MRPL40: variants seen among roughly 807,000 people sequenced by gnomAD.
MRPL40 encodes the protein mitochondrial ribosomal protein L40.
Under a neutral mutation model 24.5 loss-of-function variants are expected in MRPL40, and 18 were observed. That is an observed-to-expected ratio of 0.73 (90% CI 0.51 to 1.09). The LOEUF is 1.09. Among genes scored for constraint, MRPL40 ranks in the 50% least tolerant of loss-of-function variants. MRPL40 has a pLI of 0.00. For synonymous variants in MRPL40, 108 were observed against 94.6 expected, an observed-to-expected ratio of 1.14 and a Z score of -0.82; for missense variants, 256 against 243.8, an observed-to-expected ratio of 1.05 and a Z score of -0.33.
chr22:19,432,567 G>A lies in MRPL40; in HGVS notation c.13G>A (p.Val5Met). 1.3e-6 allele frequency: 2 copies of A among 1,551,704 alleles called. No individual in the cohort carries two copies. Among genetic ancestry groups the A allele is most frequent in the East Asian group, 2.5e-5 (1 of 40,418 alleles). Residue 5 changes from valine to methionine, a missense_variant, in exon 1 of 4, where the codon GTG (valine) becomes ATG (methionine). Physicochemically the swap from Val to Met is conservative, Grantham distance 21. Coordinates refer to ENST00000333130, the MANE Select transcript of MRPL40 (RefSeq NM_003776.4). MTAS[V>M]LRSISLALRP... ...GGCGAGGGTAGCCATGACGGCCTCCGTGCTGCGAAGTATCTCGCTAGCCCT... is the reference window on the plus strand; with the variant it reads ...GGCGAGGGTAGCCATGACGGCCTCCATGCTGCGAAGTATCTCGCTAGCCCT...
intron 1 of MRPL40, chr22:19,432,988 G>A (rs1458696847): frequency 9.7e-6 from 8 of 825,148 alleles, no homozygotes; most frequent in Non-Finnish European, 1.3e-5. Context: ...GGAGTGCAGT[G>A]GCGCGATTTC....
At position 19,435,615 on chromosome 22, in the gene MRPL40, G is replaced by T. The variant is rs1267684450; in HGVS notation, c.297-23G>T. 4 of 1,588,610 alleles carry T rather than the reference G, an allele frequency of 2.5e-6. No homozygotes were observed. The South Asian group carries it at 4.6e-5, about 18-fold the overall frequency. Reference sequence around the variant, plus strand: ...CACAGACTTACATGCCAGTGAGATTGGTAACCCTTAGCTTCTTTGCAGAGA... The same window carrying T: ...CACAGACTTACATGCCAGTGAGATTTGTAACCCTTAGCTTCTTTGCAGAGA... On this transcript the variant is annotated intron_variant, in intron 3 of 3. Transcript: ENST00000333130.
Position 19,435,813 on chromosome 22 carries a change from C to T in MRPL40, c.472C>T (p.His158Tyr). 6.2e-7 allele frequency: 1 copy of T among 1,614,208 alleles called. No homozygotes were observed. The highest frequency in any genetic ancestry group is 8.5e-7 in the Non-Finnish European group (1 of 1,180,032). The change falls in exon 4 of 4, where the codon CAT becomes TAT. Residue 158 changes from histidine to tyrosine, a missense_variant. Physicochemically the swap from His to Tyr is moderately conservative, Grantham distance 83. Coordinates refer to ENST00000333130, the MANE Select transcript of MRPL40 (RefSeq NM_003776.4). ...ACTGCAACTGGAATCCCCGAAGCTC[C>T]ATGCTGAGGCCATCAAGCGGGATCC... ...EELQLESPKLHAEAIKRDPNL... is the reference protein window; with the variant it reads ...EELQLESPKLYAEAIKRDPNL...
At position 19,435,752 on chromosome 22, in the gene MRPL40, G is replaced by T; in HGVS notation, c.411G>T (p.Arg137Ser). The T allele has an allele frequency of 6.2e-7, 1 of 1,614,142 alleles. No homozygotes were observed. The highest frequency in any genetic ancestry group is 8.5e-7 in the Non-Finnish European group (1 of 1,180,012). ...QERKMERDTI[R>S]AMLEAQQEAL... is the part of the protein sequence containing the mutation. ...GTAAGATGGAGAGGGACACCATCAG[G>T]GCTATGCTAGAAGCCCAGCAGGAAG... is the stretch of plus-strand genomic sequence containing the variant. The change falls in exon 4 of 4, where the codon AGG becomes AGT. Residue 137 changes from arginine (R) to serine (S), a missense_variant. Coordinates refer to ENST00000333130, the MANE Select transcript of MRPL40 (RefSeq NM_003776.4).
chr22:19,433,998 G>T (rs2146269887), intron 2 of MRPL40, among the ~76,000 whole-genome samples: 1 of 152,140 alleles, frequency 6.6e-6, no homozygotes, highest in African/African-American at 2.4e-5. Context: ...TCGAACTCCT[G>T]ATCTCAGGTG....
chr22:19,433,229 G>T, intron 1 of MRPL40, 36 bp from the exon 2 acceptor site: 1 of 1,461,490 alleles, frequency 6.8e-7, no homozygotes, highest in Non-Finnish European at 9.6e-7. Context: ...CTAGCCTGGA[G>T]AAGCAGATAT....
chr22:19,432,704 C>G, intron 1 of MRPL40, 97 bp downstream of exon 1: 1 of 1,450,190 alleles, frequency 6.9e-7, no homozygotes, highest in Non-Finnish European at 9.1e-7. Flanking sequence ...CTGCTCGCCT[C>G]CCAGTCCACG....
intron 1 of MRPL40, 81 bp downstream of exon 1, chr22:19,432,688 T>C (rs2089554626): frequency 6.8e-7 from 1 of 1,469,598 alleles, no homozygotes; most frequent in Non-Finnish European, 9.0e-7. Context: ...GACTCGCCTG[T>C]GCTCCCTGCT....
In MRPL40 at chr22:19,435,632, T is replaced by C. The variant is rs2089582114; in HGVS notation, c.297-6T>C. 2 of 1,608,004 alleles carry C rather than the reference T, an allele frequency of 1.2e-6. No individual in the cohort carries two copies. Among genetic ancestry groups the C allele is most frequent in the East Asian group, 4.5e-5 (2 of 44,822 alleles). On this transcript the variant is annotated splice_region_variant and splice_polypyrimidine_tract_variant and intron_variant, in intron 3 of 3. Transcript: ENST00000333130. Reference sequence around the variant, plus strand: ...GTGAGATTGGTAACCCTTAGCTTCTTTGCAGAGAGCGGCCTCAGGTGGAGC... The same window carrying C: ...GTGAGATTGGTAACCCTTAGCTTCTCTGCAGAGAGCGGCCTCAGGTGGAGC...
chr22:19,435,016 C>A, intron 3 of MRPL40, 122 bp downstream of exon 3: 1 of 802,674 alleles, frequency 1.2e-6, no homozygotes, highest in Non-Finnish European at 2.0e-6. Context: ...CTGACTTGGC[C>A]CTAATGAGTC....
intron 1 of MRPL40, 97 bp downstream of exon 1, chr22:19,432,704 C>T (rs2089554808): frequency 2.1e-6 from 3 of 1,450,072 alleles, no homozygotes; most frequent in African/African-American, 1.5e-5. Flanking sequence ...CTGCTCGCCT[C>T]CCAGTCCACG....
rs1215526955 is a variant in MRPL40 at position 19,433,487 on chromosome 22, TTC to T, written c.137+141_137+142del. 3 of 569,690 alleles carry T rather than the reference TTC, an allele frequency of 5.3e-6. No homozygotes were observed. In the African/African-American group the frequency reaches 5.7e-5, roughly 11 times the overall value. The allele number at this position is 569,690 out of a possible 1,614,324, so 35.3% of individuals were successfully genotyped here. On this transcript the variant is annotated intron_variant, in intron 2 of 3. Transcript: ENST00000333130. The stretch of plus-strand genomic sequence containing the variant: ...CTCAGTTAAATTTAGGCCGATGCTT[TTC>T]TGTTTTTCCAACATTTTCCAAACCA...
rs1273807844 is a variant in MRPL40 at position 19,434,880 on chromosome 22, C to T, written c.282C>T (p.Phe94=). ...PIEDFITPLK[F]LDKARERPQV... is the part of the protein sequence containing the mutation. Reference sequence around the variant, plus strand: ...AAGATTTTATTACCCCTCTAAAGTTCTTGGATAAAGCAAGGTAAGGATCCT... The same window carrying T: ...AAGATTTTATTACCCCTCTAAAGTTTTTGGATAAAGCAAGGTAAGGATCCT... The change falls in exon 3 of 4, where the codon TTC becomes TTT. Residue 94 remains phenylalanine (F), a synonymous_variant. Transcript: ENST00000333130. 1.3e-6 allele frequency: 2 copies of T among 1,593,284 alleles called. No individual in the cohort carries two copies. The highest frequency in any genetic ancestry group is 1.7e-4 in the Middle Eastern group (1 of 5,834).
chr22:19,433,831 C>T (rs934123978), intron 2 of MRPL40, among the ~76,000 whole-genome samples: 2 of 151,748 alleles, frequency 1.3e-5, no homozygotes, highest in Non-Finnish European at 2.9e-5. Context: ...GGTGTGACCT[C>T]GGATCACTGC....
At chr22:19,433,464 C>CA (rs1330666002) in intron 2 of MRPL40, 116 bp downstream of exon 2, 8 of 622,644 alleles carry the variant, frequency 1.3e-5, no homozygotes, top group Admixed American at 2.6e-5. Flanking sequence ...CAAAGTTTCT[C>CA]AGTTAAATTT....
rs1425497804 is a variant in MRPL40, at chr22:19,435,861, G to C, written c.520G>C (p.Glu174Gln). ...TCCTAACCTGTTCCCCTTTGAGAAGGAAGGGCCACATTACACACCACCGAT... is the reference window on the plus strand; with the variant it reads ...TCCTAACCTGTTCCCCTTTGAGAAGCAAGGGCCACATTACACACCACCGAT... ...RDPNLFPFEK[E>Q]GPHYTPPIPN... is the part of the protein sequence containing the mutation. The change falls in exon 4 of 4, where the codon GAA becomes CAA. Residue 174 changes from glutamate to glutamine, a missense_variant. Transcript: ENST00000333130. 6 of 1,614,152 alleles carry C rather than the reference G, an allele frequency of 3.7e-6. No homozygotes were observed. In the South Asian group the frequency reaches 6.6e-5, roughly 18 times the overall value.
chr22:19,434,201 CTT>C (rs1486936323), intron 2 of MRPL40, among the ~76,000 whole-genome samples: 3 of 144,970 alleles, frequency 2.1e-5, no homozygotes, highest in Admixed American at 1.4e-4. Context: ...CCTGATGCCT[CTT>C]GTTGCTTTTG....
Position 19,435,759 on chromosome 22 carries a change from C to CT in MRPL40, c.419dup (p.Glu141ArgfsTer20). ...GGAGAGGGACACCATCAGGGCTATG[C>CT]TAGAAGCCCAGCAGGAAGCTCTGGA... On this transcript the variant is annotated frameshift_variant, in exon 4 of 4. Coordinates refer to ENST00000333130, the MANE Select transcript of MRPL40 (RefSeq NM_003776.4). LOFTEE classifies it high-confidence loss of function. The CT allele has an allele frequency of 4.3e-6, 7 of 1,614,158 alleles. No individual in the cohort carries two copies. Among genetic ancestry groups the CT allele is most frequent in the Non-Finnish European group, 5.9e-6 (7 of 1,180,014 alleles).
At chr22:19,432,702 C>T (rs911301037) in intron 1 of MRPL40, 95 bp downstream of exon 1, 17 of 1,452,048 alleles carry the variant, frequency 1.2e-5, no homozygotes, top group Admixed American at 1.0e-4. Context: ...CCCTGCTCGC[C>T]TCCCAGTCCA....
Sources: gnomAD v4.1 joint callset for allele counts (sites outside exome capture counted in the v4.1 genomes callset) on GRCh38, gnomAD v4.1.1 for gene constraint, MANE v1.5 for transcripts, NCBI Gene and HGNC (gene_info 2026-07-23, HGNC 2026-07-21) for gene names.